MCM2: variants seen among roughly 807,000 people sequenced by gnomAD.
MCM2 encodes DNA replication licensing factor MCM2.
A neutral mutation model predicts 86.4 loss-of-function variants in MCM2; 49 were observed. That is an observed-to-expected ratio of 0.57 (90% CI 0.45 to 0.72). MCM2 has a LOEUF of 0.72. Ranked by LOEUF, MCM2 falls within the 30% of genes least tolerant of loss-of-function variation. The pLI, the probability that MCM2 is intolerant of heterozygous loss-of-function variation, is 0.00. For synonymous variants in MCM2, 475 were observed against 484.6 expected (o/e 0.98, Z 0.26); for missense variants, 1,038 against 1,259.9 (o/e 0.82, Z 2.67).
chr3:127,616,399 C>A (rs782428), intron 9 of MCM2, among the ~76,000 whole-genome samples: 122,423 of 152,002 alleles, frequency 0.81, 49,975 homozygotes, highest in African/African-American at 0.95. Context: ...TACACAGCAA[C>A]CACAGGGTTT....
chr3:127,604,525 A>G (rs1236868029), intron 2 of MCM2, 83 bp from the exon 3 acceptor site: 6 of 1,444,854 alleles, frequency 4.2e-6, no homozygotes, highest in Non-Finnish European at 5.7e-6. Context: ...AACCTTAGGG[A>G]ACAGGCCCAG....
chr3:127,615,895 C>T lies in MCM2; in HGVS notation c.1462C>T (p.His488Tyr), dbSNP rs2074429349. The change falls in exon 9 of 16, where the codon CAT (histidine) becomes TAT (tyrosine). Residue 488 changes from histidine to tyrosine, a missense_variant. This residue lies in a region of MCM2 where 399 missense variants were observed against 507.2 expected (regional missense o/e 0.79). Coordinates refer to ENST00000265056, the MANE Select transcript of MCM2 (RefSeq NM_004526.4). ...CAGCATTGCTCCTTCCATCTATGGT[C>T]ATGAAGACATCAAGAGAGGCCTGGC... The part of the protein sequence containing the change: ...FASIAPSIYG[H>Y]EDIKRGLALA... 3 of 1,614,044 alleles carry T rather than the reference C, an allele frequency of 1.9e-6. No homozygotes were observed. In the African/African-American group the frequency reaches 4.0e-5, roughly 22 times the overall value.
At chr3:127,619,810 T>C (rs1309405346) in intron 13 of MCM2, among the ~76,000 whole-genome samples, 1 of 152,134 alleles carries the variant, frequency 6.6e-6, no homozygotes, top group Non-Finnish European at 1.5e-5. Context: ...TGAGGCCCTT[T>C]CTCTACAAAA....
intron 9 of MCM2, 139 bp from the exon 10 acceptor site, chr3:127,616,729 G>A: frequency 1.1e-6 from 1 of 926,576 alleles, no homozygotes; most frequent in Non-Finnish European, 1.6e-6. Flanking sequence ...CATGGCGTAG[G>A]GCATTGTATC....
intron 13 of MCM2, among the ~76,000 whole-genome samples, chr3:127,619,536 G>A (rs1405593138): frequency 2.0e-5 from 3 of 151,916 alleles, no homozygotes; most frequent in Non-Finnish European, 2.9e-5. Context: ...AAAATTAGCC[G>A]GGTGTGGTGG....
chr3:127,604,657 G>C lies in MCM2; in HGVS notation c.286G>C (p.Ala96Pro). 1 of 1,613,202 alleles carries C rather than the reference G, an allele frequency of 6.2e-7. No homozygotes were observed. Among genetic ancestry groups the C allele is most frequent in the African/African-American group, 1.3e-5 (1 of 75,054 alleles). The change falls in exon 3 of 16, where the codon GCT becomes CCT. Residue 96 changes from alanine to proline, a missense_variant. Transcript: ENST00000265056. ...ELDAYEAEGL[A>P]LDDEDVEELT... ...GGACGCCTATGAGGCCGAGGGACTG[G>C]CTCTGGATGATGAGGACGTAGAGGA...
chr3:127,605,954 C>G (rs775043118), intron 4 of MCM2, among the ~76,000 whole-genome samples, 164 bp from the exon 5 acceptor site: 2 of 152,304 alleles, frequency 1.3e-5, no homozygotes, highest in Non-Finnish European at 2.9e-5. Context: ...GAAGCTCAGG[C>G]TATGTCACAG....
At chr3:127,612,978 G>A (rs577314309) in intron 8 of MCM2, among the ~76,000 whole-genome samples, 1 of 152,302 alleles carries the variant, frequency 6.6e-6, no homozygotes, top group African/African-American at 2.4e-5. Context: ...GCAGGTCTGG[G>A]ATTTGATTCT....
In MCM2 at chr3:127,606,462, G is replaced by C; in HGVS notation, c.893+125G>C. 1 of 1,185,462 alleles carries C rather than the reference G, an allele frequency of 8.4e-7. No homozygotes were observed. 73.4% of individuals were successfully genotyped at this position (1,185,462 alleles called of 1,614,324 possible). A position where few individuals can be genotyped will look rare whatever the true frequency, so the allele number is the denominator to read the frequency against. On this transcript the variant is annotated intron_variant, in intron 5 of 15. Coordinates refer to ENST00000265056, the MANE Select transcript of MCM2 (RefSeq NM_004526.4). The surrounding 1 kb of genome is among the most constrained non-coding windows in gnomAD (Gnocchi z 4.2). ...AGCCAGCAGCATCCTCATCGCAGGT[G>C]AGTTGTGGTTGCACAGGAGTGTGAT... is the stretch of plus-strand genomic sequence containing the variant.
Position 127,599,501 on chromosome 3 carries a change from G to A in MCM2, c.190G>A (p.Glu64Lys). Residue 64 changes from glutamate to lysine, a missense_variant, in exon 2 of 16, where the codon GAG becomes AAG. By Grantham distance (56) the Glu-to-Lys change is moderately conservative (BLOSUM62 1). This residue lies in a region of MCM2 where 300 missense variants were observed against 307.4 expected (regional missense o/e 0.98). Transcript: ENST00000265056. ...EGLLGTEGPL[E>K]EEEDGEELIG... The stretch of plus-strand genomic sequence containing the variant: ...GCTCCTAGGCACAGAGGGGCCCCTG[G>A]AGGAAGAAGAGGATGGAGAGGAGCT... The A allele has an allele frequency of 6.2e-7, 1 of 1,614,144 alleles. No individual in the cohort carries two copies. The highest frequency in any genetic ancestry group is 8.5e-7 in the Non-Finnish European group (1 of 1,179,992).
intron 13 of MCM2, among the ~76,000 whole-genome samples, chr3:127,620,416 A>G (rs1042421779): frequency 6.6e-6 from 1 of 152,240 alleles, no homozygotes; most frequent in Non-Finnish European, 1.5e-5. Flanking sequence ...CTGGCCACAA[A>G]TACAACAGCC....
At chr3:127,615,186 G>C (rs558230033) in intron 8 of MCM2, among the ~76,000 whole-genome samples, 1 of 152,308 alleles carries the variant, frequency 6.6e-6, no homozygotes, top group African/African-American at 2.4e-5. Flanking sequence ...CCAGTGCAGG[G>C]GGGTATGAAG....
rs762211783 is a variant in MCM2 at position 127,617,320 on chromosome 3, G to A, written c.1815G>A (p.Glu605=). ...QDRTSIHEAM[E]QQSISISKAG... Reference sequence around the variant, plus strand: ...GAACCAGCATCCATGAGGCCATGGAGCAACAGAGCATCTCCATCTCGAAGG... The same window carrying A: ...GAACCAGCATCCATGAGGCCATGGAACAACAGAGCATCTCCATCTCGAAGG... The change falls in exon 11 of 16, where the codon GAG becomes GAA. Residue 605 remains glutamate (E), a synonymous_variant. Coordinates refer to ENST00000265056, the MANE Select transcript of MCM2 (RefSeq NM_004526.4). The surrounding 1 kb of genome is among the most constrained non-coding windows in gnomAD (Gnocchi z 4.1). 1 of 1,614,144 alleles carries A rather than the reference G, an allele frequency of 6.2e-7. No individual in the cohort carries two copies. The highest frequency in any genetic ancestry group is 2.2e-5 in the East Asian group (1 of 44,882).
intron 8 of MCM2, among the ~76,000 whole-genome samples, chr3:127,612,123 T>C (rs185521137): frequency 2.0e-5 from 3 of 152,350 alleles, no homozygotes; most frequent in Non-Finnish European, 4.4e-5. Flanking sequence ...TGGCTCTGTG[T>C]TCCTCTCTGG....
Position 127,620,817 on chromosome 3 carries a change from C to T in MCM2, c.2385C>T (p.Ile795=). ...TCGAAGACGACGTCAACATGGCCAT[C>T]CGCGTGATGCTGGAGAGCTTCATAG... The part of the protein sequence containing the change: ...YVIEDDVNMA[I]RVMLESFIDT... Residue 795 remains isoleucine (I), a synonymous_variant, in exon 14 of 16, where the codon ATC becomes ATT. Coordinates refer to ENST00000265056, the MANE Select transcript of MCM2 (RefSeq NM_004526.4). 1 of 1,614,022 alleles carries T rather than the reference C, an allele frequency of 6.2e-7. No homozygotes were observed. The highest frequency in any genetic ancestry group is 8.5e-7 in the Non-Finnish European group (1 of 1,179,914).
Position 127,617,002 on chromosome 3 carries a change from G to A in MCM2, c.1657G>A (p.Ala553Thr). The change falls in exon 10 of 16, where the codon GCT (alanine) becomes ACT (threonine). Residue 553 changes from alanine to threonine, a missense_variant. Transcript: ENST00000265056. This position sits in a 1 kb window ranked among gnomAD's most constrained non-coding sequence, Gnocchi z 4.1. ...AIFTTGQGAS[A>T]VGLTAYVQRH... ...CTTCACCACTGGCCAGGGGGCGTCG[G>A]CTGTGGGCCTCACGGCGTATGTCCA... 1 of 1,614,184 alleles carries A rather than the reference G, an allele frequency of 6.2e-7. No individual in the cohort carries two copies. The highest frequency in any genetic ancestry group is 8.5e-7 in the Non-Finnish European group (1 of 1,180,054).
Position 127,608,492 on chromosome 3 carries a change from C to G in MCM2, c.1212C>G (p.Asp404Glu), listed in dbSNP as rs1473588338. The G allele has an allele frequency of 1.9e-6, 3 of 1,614,086 alleles. No individual in the cohort carries two copies. Among genetic ancestry groups the G allele is most frequent in the African/African-American group, 1.3e-5 (1 of 74,946 alleles). The part of the protein sequence containing the change: ...KDAILLADLV[D>E]SCKPGDEIEL... ...CCATTCTCCTCGCAGATCTGGTGGA[C>G]AGCTGCAAGCCAGGAGACGAGATAG... The change falls in exon 7 of 16, where the codon GAC becomes GAG. Residue 404 changes from aspartate (D) to glutamate (E), a missense_variant. Physicochemically the swap from Asp to Glu is conservative, Grantham distance 45. This residue lies in a region of MCM2 where 399 missense variants were observed against 507.2 expected (regional missense o/e 0.79). Coordinates refer to ENST00000265056, the MANE Select transcript of MCM2 (RefSeq NM_004526.4).
intron 13 of MCM2, among the ~76,000 whole-genome samples, chr3:127,620,145 C>A (rs2074465570): frequency 6.6e-6 from 1 of 152,154 alleles, no homozygotes; most frequent in Non-Finnish European, 1.5e-5. Context: ...AAATTTCACT[C>A]TAATGAACAC....
In MCM2 at chr3:127,606,790, C is replaced by T. The variant is rs143514266; in HGVS notation, c.1074C>T (p.Ala358=). 81 of 1,614,098 alleles carry T rather than the reference C, an allele frequency of 5.0e-5. No individual in the cohort carries two copies. The highest frequency in any genetic ancestry group is 4.0e-4 in the African/African-American group (30 of 74,932). ...GCTCCTGTCCTGAGTGCCAGTCGGC[C>T]GGCCCCTTTGAGGTCAACATGGAGG... is the stretch of plus-strand genomic sequence containing the variant. ...KPGSCPECQS[A]GPFEVNMEET... Residue 358 remains alanine (A), a synonymous_variant, in exon 6 of 16, where the codon GCC becomes GCT. Coordinates refer to ENST00000265056, the MANE Select transcript of MCM2 (RefSeq NM_004526.4). This position sits in a 1 kb window ranked among gnomAD's most constrained non-coding sequence, Gnocchi z 4.2.
Sources: gnomAD v4.1 joint callset for allele counts (sites outside exome capture counted in the v4.1 genomes callset) on GRCh38, gnomAD v4.1.1 for gene constraint, gnomAD v4.1.1 regional missense constraint, Gnocchi (gnomAD v3.1) non-coding constraint, MANE v1.5 for transcripts, NCBI Gene and HGNC (gene_info 2026-07-23, HGNC 2026-07-21) for gene names.